Variants in AKAP19 observed in about 807,000 individuals in gnomAD.
The protein encoded by AKAP19 is small A-kinase anchoring protein.
the AKAP19 span, among the ~76,000 whole-genome samples, chr2:190,115,953 G>A: frequency 6.6e-6 from 1 of 152,308 alleles, no homozygotes; most frequent in East Asian, 1.9e-4. Context: ...TCATACTCAT[G>A]CACTATATGC....
chr2:190,004,330 G>C, the AKAP19 span, among the ~76,000 whole-genome samples: 18,901 of 152,096 alleles, frequency 0.12, 1,459 homozygotes, highest in Middle Eastern at 0.22. Flanking sequence ...TAGCCAGTGT[G>C]AGCATATGAA....
chr2:190,150,772 T>TTG, the AKAP19 span, among the ~76,000 whole-genome samples: 2 of 151,914 alleles, frequency 1.3e-5, no homozygotes, highest in Non-Finnish European at 2.9e-5. Context: ...CCTGCTTTTT[T>TTG]TTTTTTTTCA....
chr2:189,891,316 C>T, the AKAP19 span, among the ~76,000 whole-genome samples: 2 of 144,584 alleles, frequency 1.4e-5, no homozygotes, highest in East Asian at 2.1e-4. Flanking sequence ...CTCTGCCTCC[C>T]GGGTTCAAGC....
chr2:189,926,777 G>A, the AKAP19 span, among the ~76,000 whole-genome samples: 1 of 151,780 alleles, frequency 6.6e-6, no homozygotes, highest in South Asian at 2.1e-4. Flanking sequence ...TAGAGACGGG[G>A]TTTCACTGTG....
At chr2:189,912,846 A>T in the AKAP19 span, among the ~76,000 whole-genome samples, 1 of 152,142 alleles carries the variant, frequency 6.6e-6, no homozygotes, top group African/African-American at 2.4e-5. Flanking sequence ...GTTTCTTTTC[A>T]AAACCTAAGC....
the AKAP19 span, among the ~76,000 whole-genome samples, chr2:190,102,373 T>C: frequency 6.6e-6 from 1 of 151,290 alleles, no homozygotes; most frequent in East Asian, 1.9e-4. Flanking sequence ...GACCCAAAAA[T>C]TCACACAAAG....
the AKAP19 span, among the ~76,000 whole-genome samples, chr2:190,018,102 T>G: frequency 1.3e-5 from 2 of 152,132 alleles, 1 homozygote; most frequent in South Asian, 4.1e-4. Flanking sequence ...TTTTTGATAG[T>G]TTGATTCTTA....
At chr2:190,157,488 C>T in the AKAP19 span, among the ~76,000 whole-genome samples, 2 of 151,776 alleles carry the variant, frequency 1.3e-5, no homozygotes, top group African/African-American at 2.4e-5. Flanking sequence ...GGAAGAACTA[C>T]ATTTACTATT....
the AKAP19 span, among the ~76,000 whole-genome samples, chr2:189,999,095 C>T: frequency 6.6e-6 from 1 of 151,794 alleles, no homozygotes; most frequent in African/African-American, 2.4e-5. Flanking sequence ...ATTGACTTCT[C>T]TTCTAAGCAT....
the AKAP19 span, among the ~76,000 whole-genome samples, chr2:189,958,064 G>A: frequency 1.3e-5 from 2 of 152,178 alleles, no homozygotes; most frequent in Non-Finnish European, 2.9e-5. Flanking sequence ...AAAGTGGTGG[G>A]ATTACAGGTG....
At chr2:190,036,793 G>A in the AKAP19 span, among the ~76,000 whole-genome samples, 1 of 152,234 alleles carries the variant, frequency 6.6e-6, no homozygotes, top group South Asian at 2.1e-4. Context: ...TCTACTTAGT[G>A]TATCCCTTAA....
chr2:190,073,561 A>G, the AKAP19 span, among the ~76,000 whole-genome samples: 4 of 152,054 alleles, frequency 2.6e-5, no homozygotes, highest in Non-Finnish European at 5.9e-5. Context: ...ATTAATAAAA[A>G]TAAATATAGA....
chr2:190,170,071 C>T, the AKAP19 span, among the ~76,000 whole-genome samples: 2,192 of 152,258 alleles, frequency 0.014, 33 homozygotes, highest in Non-Finnish European at 0.02. Flanking sequence ...ACTTATGTCC[C>T]AGTTCTGCAG....
chr2:189,918,647 A>G, the AKAP19 span, among the ~76,000 whole-genome samples: 5 of 152,102 alleles, frequency 3.3e-5, no homozygotes, highest in Non-Finnish European at 7.4e-5. Context: ...CCAACAATTC[A>G]CCTCTCCAGT....
chr2:190,035,844 T>C, the AKAP19 span, among the ~76,000 whole-genome samples: 3 of 152,224 alleles, frequency 2.0e-5, no homozygotes, highest in African/African-American at 4.8e-5. Flanking sequence ...TTTCCTATGA[T>C]GGTCTGTTAC....
At chr2:189,969,640 A>C in the AKAP19 span, among the ~76,000 whole-genome samples, 1 of 148,936 alleles carries the variant, frequency 6.7e-6, no homozygotes, top group Non-Finnish European at 1.5e-5. Context: ...TGAGGGAGAA[A>C]GTTGCTTGAA....
At chr2:190,013,004 G>T in the AKAP19 span, among the ~76,000 whole-genome samples, 1 of 151,922 alleles carries the variant, frequency 6.6e-6, no homozygotes, top group African/African-American at 2.4e-5. Flanking sequence ...ATTAAATTTG[G>T]TTTGCTGTTA....
At chr2:189,933,494 T>C in the AKAP19 span, among the ~76,000 whole-genome samples, 1 of 152,200 alleles carries the variant, frequency 6.6e-6, no homozygotes, top group African/African-American at 2.4e-5. Context: ...GTTTGTCACA[T>C]TTTACTGCCT....
At chr2:189,979,036 TATAAA>T in the AKAP19 span, among the ~76,000 whole-genome samples, 1 of 151,974 alleles carries the variant, frequency 6.6e-6, no homozygotes, top group Non-Finnish European at 1.5e-5. Context: ...ATGTCATTCC[TATAAA>T]ATTACCAAAG....
Sources: gnomAD v4.1 joint callset for allele counts (sites outside exome capture counted in the v4.1 genomes callset) on GRCh38, gnomAD v4.1.1 for gene constraint, MANE v1.5 for transcripts, NCBI Gene and HGNC (gene_info 2026-07-23, HGNC 2026-07-21) for gene names.